The following KCND2 variants were observed in gnomAD, a reference collection of about 807,000 sequenced individuals.
KCND2 encodes the protein A-type voltage-gated potassium channel KCND2.
A neutral mutation model predicts 54.4 loss-of-function variants in KCND2; 16 were observed. The ratio of observed to expected loss-of-function variants is 0.29; its 90% CI spans 0.20 to 0.45. The LOEUF (loss-of-function observed/expected upper bound fraction) is 0.45. Ranked by LOEUF, KCND2 falls within the 20% of genes least tolerant of loss-of-function variation. The pLI, the probability that KCND2 is intolerant of heterozygous loss-of-function variation, is 1.00. For synonymous variants in KCND2, 317 were observed against 310.7 expected (o/e 1.02, Z -0.21); for missense variants, 486 against 824.2 (o/e 0.59, Z 5.02).
intron 1 of KCND2, among the ~76,000 whole-genome samples, chr7:120,434,882 C>G (rs1386668361): frequency 1.3e-5 from 2 of 151,864 alleles, no homozygotes; most frequent in Non-Finnish European, 2.9e-5. Flanking sequence ...CCCACCTGCA[C>G]TAGTCTGTGA....
intron 4 of KCND2, 130 bp from the exon 5 acceptor site, chr7:120,745,650 T>C (rs1792996657): frequency 1.1e-6 from 1 of 911,190 alleles, no homozygotes; most frequent in African/African-American, 1.7e-5. Context: ...TTTATGAAAA[T>C]GGTTTTATTT....
chr7:120,363,340 A>C (rs1800622026), intron 1 of KCND2, among the ~76,000 whole-genome samples: 1 of 152,078 alleles, frequency 6.6e-6, no homozygotes, highest in South Asian at 2.1e-4. Context: ...AGAATCTCTC[A>C]AACCACATAT....
intron 1 of KCND2, among the ~76,000 whole-genome samples, chr7:120,570,182 G>A (rs948495064): frequency 1.3e-5 from 2 of 152,104 alleles, no homozygotes; most frequent in African/African-American, 4.8e-5. Context: ...TTGAGCCCTA[G>A]GGATATTTGG....
chr7:120,603,081 C>T (rs940269384), intron 1 of KCND2, among the ~76,000 whole-genome samples: 3 of 152,104 alleles, frequency 2.0e-5, no homozygotes, highest in Non-Finnish European at 4.4e-5. Flanking sequence ...CACAAGTAAA[C>T]GGAATGAAAA....
chr7:120,663,265 A>G (rs1164565432), intron 1 of KCND2, among the ~76,000 whole-genome samples: 2 of 152,220 alleles, frequency 1.3e-5, no homozygotes, highest in Non-Finnish European at 2.9e-5. Flanking sequence ...AAGAGGTTAT[A>G]GATGAGATTA....
intron 1 of KCND2, among the ~76,000 whole-genome samples, chr7:120,288,606 T>C (rs964402601): frequency 2.0e-5 from 3 of 152,134 alleles, no homozygotes; most frequent in Admixed American, 1.3e-4. Flanking sequence ...ATATGAAATA[T>C]ACAATAATCT....
chr7:120,709,193 A>C (rs1792507943), intron 1 of KCND2, among the ~76,000 whole-genome samples: 1 of 152,132 alleles, frequency 6.6e-6, no homozygotes, highest in Non-Finnish European at 1.5e-5. Flanking sequence ...TTTCTTCCAC[A>C]GTTTTCTCTT....
intron 1 of KCND2, among the ~76,000 whole-genome samples, chr7:120,660,504 TAA>T (rs1460283434): frequency 1.3e-5 from 2 of 152,246 alleles, no homozygotes; most frequent in African/African-American, 4.8e-5. Flanking sequence ...ACTTTTATGT[TAA>T]GTTTGTTTAG....
chr7:120,591,918 A>T (rs1191378613), intron 1 of KCND2, among the ~76,000 whole-genome samples: 2 of 152,240 alleles, frequency 1.3e-5, no homozygotes, highest in Non-Finnish European at 2.9e-5. Flanking sequence ...AAAAATATGT[A>T]CACTATGTGC....
chr7:120,719,017 A>G (rs1382500488), intron 1 of KCND2, among the ~76,000 whole-genome samples: 1 of 152,148 alleles, frequency 6.6e-6, no homozygotes, highest in Non-Finnish European at 1.5e-5. Context: ...CAAGTGTTCA[A>G]TTTGTGATCA....
At chr7:120,724,983 C>G (rs1017206155) in intron 1 of KCND2, among the ~76,000 whole-genome samples, 1 of 152,086 alleles carries the variant, frequency 6.6e-6, no homozygotes, top group Non-Finnish European at 1.5e-5. Context: ...AAAAACACTT[C>G]ATTAGAATGT....
intron 1 of KCND2, among the ~76,000 whole-genome samples, chr7:120,400,802 G>C (rs1159548015): frequency 6.6e-6 from 1 of 151,984 alleles, no homozygotes; most frequent in Non-Finnish European, 1.5e-5. Context: ...TTCTCATTTG[G>C]AGCAAAGATC....
intron 4 of KCND2, 61 bp from the exon 5 acceptor site, chr7:120,745,719 T>C: frequency 6.4e-7 from 1 of 1,556,088 alleles, no homozygotes; most frequent in East Asian, 2.3e-5. Flanking sequence ...AATAAAGCTA[T>C]GTATTTCGTT....
In KCND2 at chr7:120,630,481, G is replaced by A. The variant is rs372106783; in HGVS notation, c.1116-102422G>A. 9.2e-5 allele frequency among the ~76,000 whole-genome samples: 14 copies of A among 152,054 alleles called. No individual in the cohort carries two copies. The East Asian group carries it at 2.7e-3, about 29-fold the overall frequency. ...ATGTTCAACCAGGTCCATTCCTTCA[G>A]GTATATATGGTACAGAAACTGTTAT... On this transcript the variant is annotated intron_variant, in intron 1 of 5. Coordinates refer to ENST00000331113, the MANE Select transcript of KCND2 (RefSeq NM_012281.3).
Position 120,274,704 on chromosome 7 carries a change from G to A in KCND2, c.72G>A (p.Ser24=), listed in dbSNP as rs771647361. Residue 24 remains serine (S), a synonymous_variant, in exon 1 of 6, where the codon TCG becomes TCA. Transcript: ENST00000331113. ...CTATCGGGTGGATGCCTGTGGCCTC[G>A]GGGCCTATGCCGGCTCCCCCGAGGC... ...AAAIGWMPVA[S]GPMPAPPRQE... is the part of the protein sequence containing the mutation. 5.0e-6 allele frequency: 8 copies of A among 1,613,712 alleles called. No homozygotes were observed. The highest frequency in any genetic ancestry group is 5.9e-6 in the Non-Finnish European group (7 of 1,179,970).
intron 1 of KCND2, among the ~76,000 whole-genome samples, chr7:120,532,422 A>G (rs1269101805): frequency 1.3e-5 from 2 of 151,868 alleles, no homozygotes; most frequent in African/African-American, 4.8e-5. Flanking sequence ...ATATCCTAAT[A>G]TAATTGCTAG....
Position 120,402,330 on chromosome 7 carries a change from C to G in KCND2, c.1115+126583C>G, listed in dbSNP as rs529511843. On this transcript the variant is annotated intron_variant, in intron 1 of 5. Transcript: ENST00000331113. ...CCCACAAAAAAGGATGCTAAGAAAA[C>G]AAAGAACGGGGAGTACAACGGAATG... 2.2e-4 allele frequency among the ~76,000 whole-genome samples: 33 copies of G among 152,214 alleles called. No individual in the cohort carries two copies. The South Asian group carries it at 6.2e-3, about 29-fold the overall frequency.
At chr7:120,360,874 G>A (rs567681201) in intron 1 of KCND2, among the ~76,000 whole-genome samples, 1 of 152,018 alleles carries the variant, frequency 6.6e-6, no homozygotes, top group Admixed American at 6.6e-5. Flanking sequence ...TCAGAGACTT[G>A]ATATCATTTT....
intron 1 of KCND2, among the ~76,000 whole-genome samples, chr7:120,585,315 G>C (rs538158156): frequency 1.7e-4 from 26 of 152,208 alleles, no homozygotes; most frequent in Admixed American, 3.9e-4. Context: ...AAGGGGATGG[G>C]GGGTGGAGTG....
Sources: gnomAD v4.1 joint callset for allele counts (sites outside exome capture counted in the v4.1 genomes callset) on GRCh38, gnomAD v4.1.1 for gene constraint, MANE v1.5 for transcripts, NCBI Gene and HGNC (gene_info 2026-07-23, HGNC 2026-07-21) for gene names.